ALPL: variants seen among roughly 807,000 people sequenced by gnomAD.
The protein encoded by ALPL is alkaline phosphatase, biomineralization associated.
In ALPL, 42 loss-of-function variants were observed where a neutral mutation model predicts 51.3. That is an observed-to-expected ratio of 0.82 (90% CI 0.64 to 1.06). The LOEUF is 1.06. Among genes scored for constraint, ALPL ranks in the 50% least tolerant of loss-of-function variants. ALPL has a pLI of 0.00. For synonymous variants in ALPL, 279 were observed against 296.4 expected (o/e 0.94, Z 0.60); for missense variants, 589 against 709.4 (o/e 0.83, Z 1.93).
intron 1 of ALPL, among the ~76,000 whole-genome samples, chr1:21,544,127 C>T (rs1424755202): frequency 1.3e-5 from 2 of 152,250 alleles, no homozygotes; most frequent in African/African-American, 4.8e-5. Context: ...CTCTGTCTCA[C>T]TCTCAGGGTT....
rs572907687 is a variant in ALPL, at chr1:21,520,440, A to C, written c.-105+10923A>C. On this transcript the variant is annotated intron_variant, in intron 1 of 11. Transcript: ENST00000374840. ...AGCCACCAGGCCTGGCATATTTTTC[A>C]GTTTTTAAAGCCATTTCTTTTTTCT... Among the ~76,000 whole-genome samples, 30 of 143,254 alleles carry C rather than the reference A, an allele frequency of 2.1e-4. No homozygotes were observed. In the East Asian group the frequency reaches 5.7e-3, roughly 27 times the overall value. 94.0% of individuals were successfully genotyped at this position (143,254 alleles called of 152,430 possible). A position where few individuals can be genotyped will look rare whatever the true frequency, so the allele number is the denominator to read the frequency against.
chr1:21,544,945 A>G (rs373262112), intron 1 of ALPL, among the ~76,000 whole-genome samples: 2 of 152,092 alleles, frequency 1.3e-5, no homozygotes, highest in African/African-American at 4.8e-5. Context: ...CCAACATTAA[A>G]AAAAATACCC....
At chr1:21,520,007 A>G (rs550915973) in intron 1 of ALPL, among the ~76,000 whole-genome samples, 14 of 152,270 alleles carry the variant, frequency 9.2e-5, no homozygotes, top group African/African-American at 3.4e-4. Context: ...TGCCCCCCGC[A>G]TCCCACCCAG....
intron 1 of ALPL, among the ~76,000 whole-genome samples, chr1:21,522,228 C>T (rs1176355530): frequency 5.9e-5 from 9 of 152,134 alleles, no homozygotes; most frequent in Admixed American, 2.6e-4. Context: ...CACACCACCA[C>T]GCCCAGCTAA....
Position 21,512,261 on chromosome 1 carries a change from G to A in ALPL, c.-105+2744G>A, listed in dbSNP as rs570270935. Among the ~76,000 whole-genome samples the A allele has an allele frequency of 3.4e-4, 51 of 152,182 alleles. 1 individual carries two copies. The South Asian group carries it at 0.01, about 30-fold the overall frequency. ...GTCCTCACTTTCAGAGGGCAGTTAG[G>A]GGCAGTAGACTGAAGGTTCATTCCC... On this transcript the variant is annotated intron_variant, in intron 1 of 11. Coordinates refer to ENST00000374840, the MANE Select transcript of ALPL (RefSeq NM_000478.6).
chr1:21,557,330 TC>T (rs1299881300), intron 2 of ALPL, among the ~76,000 whole-genome samples: 2 of 152,194 alleles, frequency 1.3e-5, no homozygotes, highest in African/African-American at 2.4e-5. Flanking sequence ...TGGTCTCTTC[TC>T]TTAGGACGGC....
chr1:21,533,935 AAAGAAG>A lies in ALPL; in HGVS notation c.-104-20020_-104-20015del, dbSNP rs58697375. On this transcript the variant is annotated intron_variant, in intron 1 of 11. Coordinates refer to ENST00000374840, the MANE Select transcript of ALPL (RefSeq NM_000478.6). ...TAAAACTCTTGTCTCAAAAAAAAAA[AAAGAAG>A]AAGAAGAAGAAGAAGAAGAAGATTA... 5.6e-3 allele frequency among the ~76,000 whole-genome samples: 567 copies of A among 100,484 alleles called. 5 individuals carry two copies. Among genetic ancestry groups the A allele is most frequent in the African/African-American group, 0.018 (507 of 27,804 alleles). The allele number at this position is 100,484 out of a possible 152,430, so 65.9% of individuals were successfully genotyped here.
rs1442918125 is a variant in ALPL at position 21,575,907 on chromosome 1, G to A, written c.1172G>A (p.Arg391His). 9.9e-6 allele frequency: 16 copies of A among 1,614,082 alleles called. No homozygotes were observed. Among genetic ancestry groups the A allele is most frequent in the Non-Finnish European group, 1.2e-5 (14 of 1,180,042 alleles). ...HVFTFGGYTP[R>H]GNSIFGLAPM... ...TTCACATTTGGTGGATACACCCCCC[G>A]TGGCAACTCTATCTTTGGTAGGTGG... The change falls in exon 10 of 12, where the codon CGT (arginine) becomes CAT (histidine). Residue 391 changes from arginine (R) to histidine (H), a missense_variant. Coordinates refer to ENST00000374840, the MANE Select transcript of ALPL (RefSeq NM_000478.6).
chr1:21,522,968 C>T (rs148608491), intron 1 of ALPL, among the ~76,000 whole-genome samples: 65 of 152,266 alleles, frequency 4.3e-4, no homozygotes, highest in African/African-American at 1.3e-3. Context: ...TCCCCACTCA[C>T]GGATGGGGAG....
rs571670224 is a variant in ALPL at position 21,524,378 on chromosome 1, G to A, written c.-105+14861G>A. ...GCACATGCCTGTGTCCTAGCTACTTGGGAGACTGAGGCAGGAGGATTGCTT... is the reference window on the plus strand; with the variant it reads ...GCACATGCCTGTGTCCTAGCTACTTAGGAGACTGAGGCAGGAGGATTGCTT... On this transcript the variant is annotated intron_variant, in intron 1 of 11. Coordinates refer to ENST00000374840, the MANE Select transcript of ALPL (RefSeq NM_000478.6). 3.3e-5 allele frequency among the ~76,000 whole-genome samples: 5 copies of A among 152,262 alleles called. No homozygotes were observed. In the South Asian group the frequency reaches 1.0e-3, roughly 32 times the overall value.
intron 2 of ALPL, among the ~76,000 whole-genome samples, chr1:21,554,683 G>A (rs1558543463): frequency 6.6e-6 from 1 of 150,912 alleles, no homozygotes; most frequent in Non-Finnish European, 1.5e-5. Context: ...GTAGAGATGG[G>A]GTTTCACCGT....
chr1:21,576,028 C>A, intron 10 of ALPL, 104 bp downstream of exon 10: 1 of 1,368,374 alleles, frequency 7.3e-7, no homozygotes, highest in Non-Finnish European at 1.0e-6. Flanking sequence ...ATGGTGGGGA[C>A]TCAATGACAA....
At chr1:21,534,889 G>A (rs1644077067) in intron 1 of ALPL, among the ~76,000 whole-genome samples, 3 of 152,180 alleles carry the variant, frequency 2.0e-5, no homozygotes, top group Admixed American at 1.3e-4. Flanking sequence ...ATTTCTTGGT[G>A]AGACCTTCTC....
In ALPL at chr1:21,523,286, G is replaced by A. The variant is rs181731683; in HGVS notation, c.-105+13769G>A. Among the ~76,000 whole-genome samples the A allele has an allele frequency of 1.4e-4, 22 of 152,264 alleles. No individual in the cohort carries two copies. The East Asian group carries it at 3.9e-3, about 27-fold the overall frequency. On this transcript the variant is annotated intron_variant, in intron 1 of 11. Transcript: ENST00000374840. ...TGTACTCCAGACTGGGCGACAGAGCGAGACTCCATCTCAAAAACAAAAAAC... is the reference window on the plus strand; with the variant it reads ...TGTACTCCAGACTGGGCGACAGAGCAAGACTCCATCTCAAAAACAAAAAAC...
chr1:21,521,693 G>A (rs1006261312), intron 1 of ALPL, among the ~76,000 whole-genome samples: 5 of 152,200 alleles, frequency 3.3e-5, no homozygotes, highest in African/African-American at 1.2e-4. Flanking sequence ...GGACAAGCCA[G>A]TGTCTCTGGG....
chr1:21,534,500 A>T (rs1250946112), intron 1 of ALPL, among the ~76,000 whole-genome samples: 1 of 152,148 alleles, frequency 6.6e-6, no homozygotes, highest in African/African-American at 2.4e-5. Context: ...AGGAGGATTG[A>T]GTTTCAACAA....
At chr1:21,554,835 T>G (rs1459977640) in intron 2 of ALPL, among the ~76,000 whole-genome samples, 10 of 134,244 alleles carry the variant, frequency 7.4e-5, no homozygotes, top group Non-Finnish European at 9.6e-5. Context: ...CTTTCTTTCT[T>G]TCTTTCTTTC....
chr1:21,557,114 T>A (rs543084888), intron 2 of ALPL, among the ~76,000 whole-genome samples: 107 of 152,306 alleles, frequency 7.0e-4, no homozygotes, highest in Non-Finnish European at 1.1e-3. Flanking sequence ...GCTATTTTTT[T>A]TTCCCCAGCA....
At chr1:21,529,429 AT>A (rs1041887916) in intron 1 of ALPL, among the ~76,000 whole-genome samples, 2 of 151,898 alleles carry the variant, frequency 1.3e-5, no homozygotes, top group Middle Eastern at 3.4e-3. Context: ...TTAAAAAATA[AT>A]TTTTTTTGTA....
Sources: allele counts gnomAD v4.1 joint callset (sites outside exome capture counted in the v4.1 genomes callset), GRCh38; gene constraint gnomAD v4.1.1; transcripts MANE v1.5; gene names NCBI Gene and HGNC (gene_info 2026-07-23, HGNC 2026-07-21).